ENTREP2: variants seen among roughly 807,000 people sequenced by gnomAD.
The protein encoded by ENTREP2 is endosomal transmembrane epsin interactor 2, also known as protein ENTREP2.
At chr15:29,165,726 AT>A in the ENTREP2 span, among the ~76,000 whole-genome samples, 1 of 152,182 alleles carries the variant, frequency 6.6e-6, no homozygotes, top group Non-Finnish European at 1.5e-5. Context: ...GACCAGACAG[AT>A]TCTAAGAAGA....
the ENTREP2 span, among the ~76,000 whole-genome samples, chr15:29,547,069 T>A: frequency 1.3e-5 from 2 of 149,474 alleles, no homozygotes; most frequent in Non-Finnish European, 3.0e-5. Flanking sequence ...GAACAACCAC[T>A]GAAAACTACA....
chr15:29,379,749 C>T, the ENTREP2 span, among the ~76,000 whole-genome samples: 1 of 152,140 alleles, frequency 6.6e-6, no homozygotes, highest in Non-Finnish European at 1.5e-5. Context: ...ATGCCCAGCC[C>T]TGTGAGATTC....
chr15:29,309,253 G>A, the ENTREP2 span, among the ~76,000 whole-genome samples: 5 of 152,170 alleles, frequency 3.3e-5, 1 homozygote, highest in Admixed American at 1.3e-4. Flanking sequence ...ATAGCTATCA[G>A]AGTAATCCCT....
At chr15:29,415,754 T>A in the ENTREP2 span, among the ~76,000 whole-genome samples, 1 of 152,154 alleles carries the variant, frequency 6.6e-6, no homozygotes, top group African/African-American at 2.4e-5. Context: ...GAAAACCCCG[T>A]CGTCTCAGCC....
At chr15:29,373,482 C>T in the ENTREP2 span, 3 of 152,104 alleles carry the variant, frequency 2.0e-5, no homozygotes, top group Non-Finnish European at 4.4e-5. Context: ...AACATGGAGG[C>T]TCCTCCAGTT....
At chr15:29,294,747 T>C in the ENTREP2 span, among the ~76,000 whole-genome samples, 5 of 152,214 alleles carry the variant, frequency 3.3e-5, no homozygotes, top group Admixed American at 6.5e-5. Context: ...CAGAAAATAT[T>C]GTGCTTTCTT....
At chr15:29,495,183 C>A in the ENTREP2 span, among the ~76,000 whole-genome samples, 1 of 152,196 alleles carries the variant, frequency 6.6e-6, no homozygotes, top group Non-Finnish European at 1.5e-5. Flanking sequence ...TCCCTTTTCT[C>A]CACAACCTCA....
At chr15:29,632,810 G>A in the ENTREP2 span, among the ~76,000 whole-genome samples, 47 of 152,272 alleles carry the variant, frequency 3.1e-4, no homozygotes, top group South Asian at 6.2e-4. Flanking sequence ...GTCTCAGCCC[G>A]TGGCTGGATC....
the ENTREP2 span, among the ~76,000 whole-genome samples, chr15:29,299,032 A>G: frequency 6.6e-6 from 1 of 152,364 alleles, no homozygotes; most frequent in South Asian, 2.1e-4. Context: ...GAAATAAACT[A>G]GAAGTACATA....
chr15:29,154,438 C>A, the ENTREP2 span, among the ~76,000 whole-genome samples: 1 of 150,970 alleles, frequency 6.6e-6, no homozygotes, highest in Non-Finnish European at 1.5e-5. Flanking sequence ...GAAGCTTACT[C>A]TCAAATCCAT....
chr15:29,364,948 A>G, the ENTREP2 span, among the ~76,000 whole-genome samples: 3 of 152,134 alleles, frequency 2.0e-5, no homozygotes, highest in African/African-American at 7.2e-5. Flanking sequence ...CATGGTTTAC[A>G]TTAGGGTCCA....
the ENTREP2 span, among the ~76,000 whole-genome samples, chr15:29,517,681 C>G: frequency 6.6e-6 from 1 of 152,082 alleles, no homozygotes; most frequent in Non-Finnish European, 1.5e-5. Context: ...ACACATCCTC[C>G]CTTTACATCC....
At chr15:29,478,688 T>G in the ENTREP2 span, among the ~76,000 whole-genome samples, 6 of 139,234 alleles carry the variant, frequency 4.3e-5, no homozygotes, top group African/African-American at 1.6e-4. Flanking sequence ...GAGGATCACT[T>G]GAGGTCAGGA....
chr15:29,318,762 C>T, the ENTREP2 span, among the ~76,000 whole-genome samples: 2 of 152,298 alleles, frequency 1.3e-5, no homozygotes, highest in Non-Finnish European at 2.9e-5. Flanking sequence ...CGTCTTATTG[C>T]AATAGTCTGC....
chr15:29,322,258 C>T, the ENTREP2 span, among the ~76,000 whole-genome samples: 16,112 of 152,136 alleles, frequency 0.11, 1,071 homozygotes, highest in South Asian at 0.17. Flanking sequence ...CACTGCCTCA[C>T]ATACTTATTT....
the ENTREP2 span, among the ~76,000 whole-genome samples, chr15:29,640,360 T>C: frequency 6.6e-6 from 1 of 151,956 alleles, no homozygotes; most frequent in Non-Finnish European, 1.5e-5. Context: ...GAATTAGTAA[T>C]AAAAGAAAAA....
chr15:29,135,434 G>T, the ENTREP2 span, among the ~76,000 whole-genome samples: 1 of 152,090 alleles, frequency 6.6e-6, no homozygotes, highest in Non-Finnish European at 1.5e-5. The surrounding 1 kb of genome is among the most constrained non-coding windows in gnomAD (Gnocchi z 7.4). Flanking sequence ...GTCCTTGGAA[G>T]ATCCCTTGCA....
chr15:29,655,777 G>A, the ENTREP2 span, among the ~76,000 whole-genome samples: 2 of 152,172 alleles, frequency 1.3e-5, no homozygotes, highest in Non-Finnish European at 2.9e-5. Flanking sequence ...TGTAATCCCA[G>A]CACTTGAGGA....
the ENTREP2 span, among the ~76,000 whole-genome samples, chr15:29,145,727 T>C: frequency 6.6e-6 from 1 of 151,516 alleles, no homozygotes; most frequent in Non-Finnish European, 1.5e-5. Flanking sequence ...AACATACTAC[T>C]TAATGGTGAC....
Sources: allele counts gnomAD v4.1 joint callset (sites outside exome capture counted in the v4.1 genomes callset), GRCh38; gene constraint gnomAD v4.1.1; non-coding constraint Gnocchi (gnomAD v3.1); transcripts MANE v1.5; gene names NCBI Gene and HGNC (gene_info 2026-07-23, HGNC 2026-07-21).